Variants in SHTN1 observed in about 807,000 individuals in gnomAD.
The protein encoded by SHTN1 is shootin-1.
In SHTN1, 42 loss-of-function variants were observed where a neutral mutation model predicts 83.1. The ratio of observed to expected loss-of-function variants is 0.51; its 90% CI spans 0.39 to 0.65. The LOEUF (loss-of-function observed/expected upper bound fraction) is 0.65. SHTN1 is among the 30% of genes least tolerant of loss of function. The pLI is 0.00. For missense variants in SHTN1, 622 were observed against 737.8 expected (o/e 0.84, Z 1.82); for synonymous variants, 224 against 247.7 (o/e 0.90, Z 0.90).
chr10:117,093,450 T>G (rs531362984), intron 1 of SHTN1, among the ~76,000 whole-genome samples: 1 of 151,526 alleles, frequency 6.6e-6, no homozygotes, highest in African/African-American at 2.4e-5. Context: ...GAGGCCGAGG[T>G]GGGAGGATAA....
At chr10:117,017,573 CT>C (rs1240766167) in intron 2 of SHTN1, among the ~76,000 whole-genome samples, 27 of 151,188 alleles carry the variant, frequency 1.8e-4, no homozygotes, top group African/African-American at 6.3e-4. Context: ...TGAGTTCATA[CT>C]GATATAAATA....
intron 11 of SHTN1, among the ~76,000 whole-genome samples, chr10:116,923,516 A>G (rs1848634950): frequency 6.6e-6 from 1 of 152,066 alleles, no homozygotes; most frequent in Non-Finnish European, 1.5e-5. Flanking sequence ...ATACAGAGTA[A>G]CACCTGTTCA....
chr10:116,960,394 A>G (rs796220189), intron 3 of SHTN1, 164 bp from the exon 4 acceptor site: 1 of 493,556 alleles, frequency 2.0e-6, no homozygotes. Flanking sequence ...ATTAAATCTG[A>G]GCTAATATTT....
chr10:116,913,338 G>C (rs746242339), intron 13 of SHTN1, among the ~76,000 whole-genome samples: 25 of 152,218 alleles, frequency 1.6e-4, no homozygotes, highest in Non-Finnish European at 3.4e-4. Context: ...CCTCAAGCAT[G>C]CAGTGACAAT....
Position 117,004,840 on chromosome 10 carries a change from A to T in SHTN1, c.58+182T>A, listed in dbSNP as rs138851433. Among the ~76,000 whole-genome samples the T allele has an allele frequency of 5.2e-3, 798 of 152,274 alleles. 10 individuals carry two copies. The highest frequency in any genetic ancestry group is 0.018 in the African/African-American group (760 of 41,576). Reference sequence around the variant, plus strand: ...CGACACTCCGCGTTATCCTCGGTCCAGAGCTTTCCCAGGCGCGCCGGCCAC... The same window carrying T: ...CGACACTCCGCGTTATCCTCGGTCCTGAGCTTTCCCAGGCGCGCCGGCCAC... On this transcript the variant is annotated intron_variant, in intron 1 of 16. Coordinates refer to ENST00000355371, the MANE Select transcript of SHTN1 (RefSeq NM_001127211.3).
chr10:117,122,132 A>G (rs1853938812), intron 1 of SHTN1, among the ~76,000 whole-genome samples: 1 of 152,162 alleles, frequency 6.6e-6, no homozygotes, highest in Non-Finnish European at 1.5e-5. Flanking sequence ...TAATTGTTGT[A>G]CTGTATTTGT....
At chr10:116,970,962 T>C (rs542758396) in intron 2 of SHTN1, among the ~76,000 whole-genome samples, 18 of 152,324 alleles carry the variant, frequency 1.2e-4, no homozygotes, top group African/African-American at 4.1e-4. Context: ...GCATTCCTTA[T>C]TTTTGAATTT....
intron 1 of SHTN1, among the ~76,000 whole-genome samples, chr10:117,112,968 G>C (rs1326288481): frequency 6.6e-6 from 1 of 151,924 alleles, no homozygotes; most frequent in Non-Finnish European, 1.5e-5. Flanking sequence ...GGAATGCTTT[G>C]TTTTCATTCA....
chr10:116,996,041 A>G (rs1216363271), intron 1 of SHTN1, among the ~76,000 whole-genome samples: 1 of 152,238 alleles, frequency 6.6e-6, no homozygotes, highest in Non-Finnish European at 1.5e-5. Context: ...AAGGGCTTAC[A>G]TAGTCAATCA....
intron 2 of SHTN1, among the ~76,000 whole-genome samples, chr10:117,045,311 A>C (rs1182840046): frequency 6.6e-6 from 1 of 152,210 alleles, no homozygotes; most frequent in African/African-American, 2.4e-5. Context: ...ATTTATATTT[A>C]AAAATGACTT....
intron 7 of SHTN1, 74 bp downstream of exon 7, chr10:116,948,842 T>TA: frequency 9.8e-7 from 1 of 1,024,264 alleles, no homozygotes; most frequent in Middle Eastern, 2.2e-4. Flanking sequence ...GGCACAGGTG[T>TA]AAAATGACAC....
chr10:117,046,018 C>A (rs969476049), intron 2 of SHTN1, among the ~76,000 whole-genome samples: 5 of 151,912 alleles, frequency 3.3e-5, no homozygotes, highest in African/African-American at 1.2e-4. Flanking sequence ...AAACCAGATA[C>A]AACTGAGGAA....
At chr10:116,934,827 T>C (rs771170481) in intron 9 of SHTN1, among the ~76,000 whole-genome samples, 6 of 152,200 alleles carry the variant, frequency 3.9e-5, no homozygotes, top group Non-Finnish European at 8.8e-5. Context: ...CATTTGTTAG[T>C]GTCCTCTCTT....
intron 7 of SHTN1, among the ~76,000 whole-genome samples, chr10:116,948,603 A>G (rs1266701303): frequency 6.6e-6 from 1 of 152,172 alleles, no homozygotes; most frequent in African/African-American, 2.4e-5. Context: ...CCTACCAAAC[A>G]TATAAATGCT....
upstream of SHTN1, chr10:117,005,357 T>C (rs1433496983): frequency 1.5e-5 from 19 of 1,242,194 alleles, no homozygotes; most frequent in Non-Finnish European, 1.9e-5. Flanking sequence ...GCAGCCGCTA[T>C]GCCAGCCTGT....
chr10:117,004,500 T>TA (rs1038679828), intron 1 of SHTN1, among the ~76,000 whole-genome samples: 11 of 149,190 alleles, frequency 7.4e-5, no homozygotes, highest in South Asian at 2.1e-4. Context: ...GAGAAGTGAT[T>TA]AAAAAAAAAA....
intron 15 of SHTN1, among the ~76,000 whole-genome samples, chr10:116,904,144 T>C (rs1265443059): frequency 1.3e-5 from 2 of 152,154 alleles, no homozygotes; most frequent in African/African-American, 4.8e-5. Flanking sequence ...ACATTTACTT[T>C]CCCAAAAGCC....
chr10:116,901,116 C>A (rs1847716083), intron 16 of SHTN1: 1 of 985,332 alleles, frequency 1.0e-6, no homozygotes, highest in Non-Finnish European at 1.2e-6. Context: ...AACTAGCTGA[C>A]ATCCTGGCAA....
At chr10:116,942,277 A>G (rs1467412432) in intron 8 of SHTN1, among the ~76,000 whole-genome samples, 1 of 151,560 alleles carries the variant, frequency 6.6e-6, no homozygotes, top group Non-Finnish European at 1.5e-5. Context: ...CAGTGGCACA[A>G]TCTCGGCTCA....
Sources: gnomAD v4.1 joint callset for allele counts (sites outside exome capture counted in the v4.1 genomes callset) on GRCh38, gnomAD v4.1.1 for gene constraint, MANE v1.5 for transcripts, NCBI Gene and HGNC (gene_info 2026-07-23, HGNC 2026-07-21) for gene names.